TMSB15A: variants seen among roughly 807,000 people sequenced by gnomAD.
The protein encoded by TMSB15A is thymosin beta-15A.
In TMSB15A, 1 loss-of-function variant was observed where a neutral mutation model predicts 3.2. That is an observed-to-expected ratio of 0.32 (90% CI 0.11 to 1.50). The LOEUF is 1.50. TMSB15A is among the 40% of genes most tolerant of loss of function. The probability of loss-of-function intolerance (pLI) is 0.39; values close to 1 mark genes in which losing one functional copy is unlikely to be tolerated. For synonymous variants in TMSB15A, 10 were observed against 11.2 expected (o/e 0.90, Z 0.21); for missense variants, 22 against 27.8 (o/e 0.79, Z 0.47).
At chrX:102,514,915 T>A (rs1602468459) in intron 2 of TMSB15A, 149 bp downstream of exon 2, 1 of 543,539 alleles carries the variant, frequency 1.8e-6, no homozygotes. Context: ...GGAAGATGAC[T>A]ATTTGATGTT....
rs1556403406 is a variant in TMSB15A at position 102,515,052 on chromosome X, C to A, written c.100+12G>T. 15 of 1,208,759 alleles carry A rather than the reference C, an allele frequency of 1.2e-5. No individual in the cohort carries two copies. The highest frequency in any genetic ancestry group is 1.7e-5 in the Non-Finnish European group (15 of 893,186). ...CTACTGTGTGTTTCCACTAGAACCC[C>A]CCATGACTTACTTTCCTTTGAGGGA... On this transcript the variant is annotated intron_variant, in intron 2 of 2. Transcript: ENST00000289373.
At chrX:102,516,327 G>A (rs1397089874) in intron 1 of TMSB15A, among the ~76,000 whole-genome samples, 1 of 112,944 alleles carries the variant, frequency 8.9e-6, no homozygotes, top group Non-Finnish European at 1.9e-5. Flanking sequence ...AAGCCCCAGG[G>A]GGCCCATTCC....
intron 2 of TMSB15A, among the ~76,000 whole-genome samples, chrX:102,514,655 A>C (rs1305928915): frequency 9.0e-6 from 1 of 111,623 alleles, no homozygotes; most frequent in Non-Finnish European, 1.9e-5. Context: ...TTATCTCATC[A>C]TCAGGTAGAG....
chrX:102,516,496 CT>C (rs1313500856), intron 1 of TMSB15A, among the ~76,000 whole-genome samples, 169 bp downstream of exon 1: 4 of 113,039 alleles, frequency 3.5e-5, no homozygotes, highest in African/African-American at 1.3e-4. Context: ...AGGCGGCCCC[CT>C]GGAAGACAAA....
At chrX:102,514,989 T>C (rs1330509753) in intron 2 of TMSB15A, 75 bp downstream of exon 2, 15 of 1,100,054 alleles carry the variant, frequency 1.4e-5, no homozygotes, top group South Asian at 4.2e-5. Context: ...AAAAATTTAC[T>C]AGAAGATAGG....
chrX:102,514,423 G>A lies in TMSB15A; in HGVS notation c.101-299C>T, dbSNP rs782193628. 1.4e-3 allele frequency among the ~76,000 whole-genome samples: 155 copies of A among 111,727 alleles called. 1 individual carries two copies. Among genetic ancestry groups the A allele is most frequent in the African/African-American group, 4.8e-3 (149 of 30,736 alleles). On this transcript the variant is annotated intron_variant, in intron 2 of 2. Transcript: ENST00000289373. The stretch of plus-strand genomic sequence containing the variant: ...GACTGAGATACGAAGCAATTTCTTC[G>A]GATTTATCTATCCATATACAACTAG...
intron 1 of TMSB15A, among the ~76,000 whole-genome samples, chrX:102,515,515 G>A (rs1934885840): frequency 1.8e-5 from 2 of 111,063 alleles, no homozygotes. Flanking sequence ...GACAGGGACA[G>A]AATAAAAAAT....
intron 1 of TMSB15A, among the ~76,000 whole-genome samples, chrX:102,515,820 G>T (rs782287300): frequency 8.9e-6 from 1 of 111,756 alleles, no homozygotes; most frequent in Admixed American, 9.5e-5. Context: ...GACTTCAGCA[G>T]AATGGGATAA....
rs371998042 is a variant in TMSB15A at position 102,515,160 on chromosome X, T to C, written c.4A>G (p.Ser2Gly). Residue 2 changes from serine (S) to glycine (G), a missense_variant, in exon 2 of 3, where the codon AGT (serine) becomes GGT (glycine). Transcript: ENST00000289373. M[S>G]DKPDLSEVEK... ...ACTTCCGACAAGTCTGGCTTATCAC[T>C]CATCTTGACTAGAAGATAGCCTGAA... 1.7e-5 allele frequency: 21 copies of C among 1,208,257 alleles called. No homozygotes were observed. The African/African-American group carries it at 3.0e-4, about 17-fold the overall frequency.
At chrX:102,516,475 T>C (rs782784029) in intron 1 of TMSB15A, among the ~76,000 whole-genome samples, 191 bp downstream of exon 1, 1 of 112,544 alleles carries the variant, frequency 8.9e-6, no homozygotes, top group South Asian at 3.7e-4. Flanking sequence ...GGGCTCGGCA[T>C]CGAGCGCAGA....
chrX:102,514,852 TC>T (rs1307155780), intron 2 of TMSB15A, among the ~76,000 whole-genome samples: 2 of 111,248 alleles, frequency 1.8e-5, no homozygotes, highest in Non-Finnish European at 3.8e-5. Flanking sequence ...AAACTAGTTT[TC>T]CCCCCCATTC....
chrX:102,516,520 C>T (rs1556403786), intron 1 of TMSB15A, 146 bp downstream of exon 1: 1 of 113,138 alleles, frequency 8.8e-6, no homozygotes, highest in African/African-American at 3.2e-5. Flanking sequence ...CGCGGACTCG[C>T]TCGCCCGGGC....
At chrX:102,514,880 G>A in intron 2 of TMSB15A, among the ~76,000 whole-genome samples, 184 bp downstream of exon 2, 1 of 111,737 alleles carries the variant, frequency 8.9e-6, no homozygotes, top group Middle Eastern at 4.7e-3. Flanking sequence ...AGACTTATGT[G>A]AGAACTACTT....
At chrX:102,515,211 T>C (rs368051876) in intron 1 of TMSB15A, 31 bp from the exon 2 acceptor site, 1 of 1,186,910 alleles carries the variant, frequency 8.4e-7, no homozygotes, top group Non-Finnish European at 1.1e-6. Flanking sequence ...TAAGAAAACT[T>C]ACCTGGCAGA....
intron 1 of TMSB15A, among the ~76,000 whole-genome samples, chrX:102,515,603 A>G (rs1290367691): frequency 1.8e-5 from 2 of 110,599 alleles, no homozygotes; most frequent in Admixed American, 9.6e-5. Flanking sequence ...CTATTAAATT[A>G]CTTTTGTTTT....
chrX:102,515,392 C>A (rs1342233979), intron 1 of TMSB15A, among the ~76,000 whole-genome samples: 2 of 111,475 alleles, frequency 1.8e-5, no homozygotes, highest in African/African-American at 6.5e-5. Context: ...GCAGTAAATG[C>A]CGTTGGATCA....
intron 1 of TMSB15A, among the ~76,000 whole-genome samples, 192 bp downstream of exon 1, chrX:102,516,474 A>C (rs964758443): frequency 8.9e-6 from 1 of 112,389 alleles, no homozygotes; most frequent in Non-Finnish European, 1.9e-5. Flanking sequence ...AGGGCTCGGC[A>C]TCGAGCGCAG....
chrX:102,515,873 AAG>A (rs1240249632), intron 1 of TMSB15A, among the ~76,000 whole-genome samples: 2 of 111,836 alleles, frequency 1.8e-5, no homozygotes, highest in East Asian at 2.8e-4. Flanking sequence ...TTTCTCTGCA[AAG>A]AGAGAGGTAA....
At chrX:102,515,526 A>G (rs189639339) in intron 1 of TMSB15A, among the ~76,000 whole-genome samples, 2 of 111,688 alleles carry the variant, frequency 1.8e-5, no homozygotes, top group East Asian at 5.6e-4. Flanking sequence ...AATAAAAAAT[A>G]AAGACTGGCT....
Sources: gnomAD v4.1 joint callset for allele counts (sites outside exome capture counted in the v4.1 genomes callset) on GRCh38, gnomAD v4.1.1 for gene constraint, MANE v1.5 for transcripts, NCBI Gene and HGNC (gene_info 2026-07-23, HGNC 2026-07-21) for gene names.